Variants in FOXO1 observed in about 807,000 individuals in gnomAD.
FOXO1 encodes forkhead box protein O1.
Under a neutral mutation model 44.1 loss-of-function variants are expected in FOXO1, and 6 were observed. The observed-to-expected ratio is 0.14, with a 90% CI of 0.07 to 0.27. The LOEUF is 0.27. Among genes scored for constraint, FOXO1 ranks in the 10% least tolerant of loss-of-function variants. The pLI is 1.00. For missense variants in FOXO1, 737 were observed against 888.8 expected, an observed-to-expected ratio of 0.83 and a Z score of 2.17; for synonymous variants, 380 against 362.7, an observed-to-expected ratio of 1.05 and a Z score of -0.54.
Position 40,641,073 on chromosome 13 carries a change from C to T in FOXO1, c.630+24510G>A, listed in dbSNP as rs138168250. Reference sequence around the variant, plus strand: ...TGCTAGGATTACAGGCGTGAGCCATCGTGCCCGGCCAGTGTTTGTTATTTC... The same window carrying T: ...TGCTAGGATTACAGGCGTGAGCCATTGTGCCCGGCCAGTGTTTGTTATTTC... On this transcript the variant is annotated intron_variant, in intron 1 of 2. Coordinates refer to ENST00000379561, the MANE Select transcript of FOXO1 (RefSeq NM_002015.4). Among the ~76,000 whole-genome samples the T allele has an allele frequency of 2.8e-3, 425 of 152,292 alleles. 1 individual carries two copies. The highest frequency in any genetic ancestry group is 9.0e-3 in the African/African-American group (375 of 41,562).
At chr13:40,638,033 A>G (rs1325230861) in intron 1 of FOXO1, among the ~76,000 whole-genome samples, 3 of 152,232 alleles carry the variant, frequency 2.0e-5, no homozygotes, top group Non-Finnish European at 4.4e-5. Context: ...TACTGAGTTA[A>G]CAGTGATATG....
At chr13:40,663,490 TAC>T (rs2137947338) in intron 1 of FOXO1, among the ~76,000 whole-genome samples, 1 of 152,232 alleles carries the variant, frequency 6.6e-6, no homozygotes, top group African/African-American at 2.4e-5. Flanking sequence ...ATGGTGTAAG[TAC>T]ACACTGTACT....
intron 1 of FOXO1, among the ~76,000 whole-genome samples, chr13:40,601,766 C>T (rs916822575): frequency 6.6e-6 from 1 of 152,068 alleles, no homozygotes; most frequent in Non-Finnish European, 1.5e-5. Context: ...AGAGCAATAC[C>T]TAAGCATCTT....
Position 40,665,742 on chromosome 13 carries a change from G to C in FOXO1, c.471C>G (p.Arg157=), listed in dbSNP as rs758910709. 4.9e-6 allele frequency: 7 copies of C among 1,430,394 alleles called. No individual in the cohort carries two copies. In the African/African-American group the frequency reaches 8.7e-5, roughly 18 times the overall value. 88.6% of individuals were successfully genotyped at this position (1,430,394 alleles called of 1,614,324 possible). A position where few individuals can be genotyped will look rare whatever the true frequency, so the allele number is the denominator to read the frequency against. ...CGTAGGACAGGTTGCCCCACGCGTT[G>C]CGGCGGGACGAGCTGCTCTTGCGCG... The part of the protein sequence containing the change: ...GQPRKSSSSR[R]NAWGNLSYAD... The change falls in exon 1 of 3, where the codon CGC becomes CGG. Residue 157 remains arginine, a synonymous_variant. Coordinates refer to ENST00000379561, the MANE Select transcript of FOXO1 (RefSeq NM_002015.4).
intron 1 of FOXO1, among the ~76,000 whole-genome samples, chr13:40,657,840 AAAAG>A (rs1283193988): frequency 6.6e-6 from 1 of 152,202 alleles, no homozygotes; most frequent in African/African-American, 2.4e-5. Flanking sequence ...AAATGGAAAA[AAAAG>A]GACTCTGACA....
At chr13:40,612,508 CGCAAGCAT>C (rs1876270623) in intron 1 of FOXO1, among the ~76,000 whole-genome samples, 1 of 152,164 alleles carries the variant, frequency 6.6e-6, no homozygotes. Context: ...CACGTGCGTT[CGCAAGCAT>C]GCCTAAGGAG....
intron 1 of FOXO1, among the ~76,000 whole-genome samples, chr13:40,585,914 C>G (rs12585434): frequency 0.048 from 7,254 of 152,254 alleles, 588 homozygotes; most frequent in East Asian, 0.39. Context: ...TGAGACCAAT[C>G]CAGAGAGGGG....
chr13:40,574,414 A>G (rs1874662737), intron 1 of FOXO1, among the ~76,000 whole-genome samples: 1 of 152,246 alleles, frequency 6.6e-6, no homozygotes, highest in Admixed American at 6.5e-5. Flanking sequence ...TGCATTGTGA[A>G]GATTAAATGA....
intron 1 of FOXO1, among the ~76,000 whole-genome samples, chr13:40,608,512 A>G (rs1473612136): frequency 1.3e-5 from 2 of 152,248 alleles, no homozygotes; most frequent in Non-Finnish European, 2.9e-5. Context: ...GTTATTTGTT[A>G]TGGAGCAAAA....
chr13:40,600,219 G>T (rs1019154916), intron 1 of FOXO1, among the ~76,000 whole-genome samples: 1 of 152,208 alleles, frequency 6.6e-6, no homozygotes, highest in Non-Finnish European at 1.5e-5. Flanking sequence ...CCACTGAGTT[G>T]ACAAATTAGA....
At chr13:40,608,923 G>A (rs534231026) in intron 1 of FOXO1, among the ~76,000 whole-genome samples, 1 of 152,218 alleles carries the variant, frequency 6.6e-6, no homozygotes, top group Non-Finnish European at 1.5e-5. Context: ...AGGTGGGAAG[G>A]GGGTACGTGT....
chr13:40,630,655 A>G (rs1351979179), intron 1 of FOXO1, among the ~76,000 whole-genome samples: 1 of 152,088 alleles, frequency 6.6e-6, no homozygotes, highest in Admixed American at 6.5e-5. Context: ...ACTTCTCAAA[A>G]AAAAAAAAGG....
Position 40,593,066 on chromosome 13 carries a change from C to G in FOXO1, c.631-32206G>C, listed in dbSNP as rs920958272. Among the ~76,000 whole-genome samples, 3 of 152,158 alleles carry G rather than the reference C, an allele frequency of 2.0e-5. No individual in the cohort carries two copies. The South Asian group carries it at 6.2e-4, about 31-fold the overall frequency. On this transcript the variant is annotated intron_variant, in intron 1 of 2. Coordinates refer to ENST00000379561, the MANE Select transcript of FOXO1 (RefSeq NM_002015.4). ...TGAGACAGGGTCTCACTCTGTCACC[C>G]ACATTGGAGTGCAGTGGCGTGATCA...
chr13:40,563,862 G>A (rs544186335), intron 1 of FOXO1, among the ~76,000 whole-genome samples: 6 of 152,252 alleles, frequency 3.9e-5, no homozygotes, highest in South Asian at 2.1e-4. Context: ...CAGCAGGCCC[G>A]CACTTGGGGT....
At chr13:40,646,935 C>G (rs1008504259) in intron 1 of FOXO1, among the ~76,000 whole-genome samples, 3 of 152,158 alleles carry the variant, frequency 2.0e-5, no homozygotes, top group Admixed American at 6.5e-5. Flanking sequence ...GGGCCCAGGA[C>G]ACACTACCCC....
chr13:40,651,567 C>G (rs1877688826), intron 1 of FOXO1, among the ~76,000 whole-genome samples: 1 of 151,946 alleles, frequency 6.6e-6, no homozygotes, highest in Non-Finnish European at 1.5e-5. Context: ...TTGATGACCT[C>G]TAAAATGTAG....
At chr13:40,588,495 T>A (rs2721045) in intron 1 of FOXO1, among the ~76,000 whole-genome samples, 61,815 of 151,942 alleles carry the variant, frequency 0.41, 13,692 homozygotes, top group East Asian at 0.73. Flanking sequence ...AATCCCAAAG[T>A]CCAGGAACAA....
chr13:40,600,407 GA>G (rs1390644514), intron 1 of FOXO1, among the ~76,000 whole-genome samples: 3 of 152,182 alleles, frequency 2.0e-5, no homozygotes, highest in Non-Finnish European at 4.4e-5. Flanking sequence ...CACTCACATA[GA>G]TTAGTAAAAG....
rs890928467 is a variant in FOXO1, at chr13:40,576,784, T to C, written c.631-15924A>G. The stretch of plus-strand genomic sequence containing the variant: ...GGCAGGATGCTGGGGCCAGGACCAT[T>C]TGTTTTGAAAACAGATTTTAAAAGT... On this transcript the variant is annotated intron_variant, in intron 1 of 2. Coordinates refer to ENST00000379561, the MANE Select transcript of FOXO1 (RefSeq NM_002015.4). 4.6e-5 allele frequency among the ~76,000 whole-genome samples: 7 copies of C among 152,354 alleles called. No homozygotes were observed. In the East Asian group the frequency reaches 9.6e-4, roughly 21 times the overall value.
Sources: allele counts gnomAD v4.1 joint callset (sites outside exome capture counted in the v4.1 genomes callset), GRCh38; gene constraint gnomAD v4.1.1; transcripts MANE v1.5; gene names NCBI Gene and HGNC (gene_info 2026-07-23, HGNC 2026-07-21).